Variants in C12orf42 observed in about 807,000 individuals in gnomAD.
C12orf42 encodes uncharacterized protein C12orf42.
Under a neutral mutation model 21.6 loss-of-function variants are expected in C12orf42, and 25 were observed. The ratio of observed to expected loss-of-function variants is 1.16; its 90% CI spans 0.84 to 1.62. C12orf42 has a LOEUF of 1.62. Among genes scored for constraint, C12orf42 ranks in the 40% most tolerant of loss-of-function variants. C12orf42 has a pLI of 0.00. For synonymous variants in C12orf42, 174 were observed against 175.0 expected (o/e 0.99, Z 0.05); for missense variants, 483 against 459.3 (o/e 1.05, Z -0.47).
the C12orf42 span, among the ~76,000 whole-genome samples, chr12:103,160,190 T>C: frequency 6.6e-6 from 1 of 152,238 alleles, no homozygotes; most frequent in Non-Finnish European, 1.5e-5. Flanking sequence ...CTTCCCAGAA[T>C]CTGTCCTAAC....
rs527835289 is a variant in C12orf42 at position 103,341,648 on chromosome 12, A to G, written c.259+27239T>C. ...AAACCAAACTAAAGTAATACTCACA[A>G]TGTAAGTGACCTAAACACCCTCAAT... On this transcript the variant is annotated intron_variant, in intron 4 of 5. Transcript: ENST00000548883. 1.8e-4 allele frequency among the ~76,000 whole-genome samples: 28 copies of G among 152,342 alleles called. 1 individual carries two copies. The highest frequency in any genetic ancestry group is 6.3e-4 in the African/African-American group (26 of 41,586).
At chr12:103,506,332 CA>C in the C12orf42 span, among the ~76,000 whole-genome samples, 19,509 of 121,790 alleles carry the variant, frequency 0.16, 1,491 homozygotes, top group South Asian at 0.23. Flanking sequence ...CAAAACAAAA[CA>C]AAAAAAAAAC....
the C12orf42 span, among the ~76,000 whole-genome samples, chr12:103,147,250 G>A: frequency 1.3e-5 from 2 of 152,040 alleles, no homozygotes; most frequent in African/African-American, 4.8e-5. Flanking sequence ...CTCGAAGGAG[G>A]AAAACAACCT....
the C12orf42 span, among the ~76,000 whole-genome samples, chr12:103,524,660 C>T: frequency 2.0e-5 from 3 of 152,214 alleles, no homozygotes; most frequent in Non-Finnish European, 2.9e-5. Context: ...ACTGATCTGT[C>T]ACAATGCCCT....
intron 1 of C12orf42, among the ~76,000 whole-genome samples, chr12:103,489,799 A>G (rs1053935569): frequency 6.6e-6 from 1 of 152,216 alleles, no homozygotes; most frequent in African/African-American, 2.4e-5. Flanking sequence ...TGCTAAGACT[A>G]TCGGAAAAGT....
At chr12:103,230,118 T>C in the C12orf42 span, among the ~76,000 whole-genome samples, 31 of 152,146 alleles carry the variant, frequency 2.0e-4, no homozygotes, top group South Asian at 2.1e-4. Flanking sequence ...ACATATTGGC[T>C]GAAAACAACA....
At chr12:103,358,568 A>G (rs1466723008) in intron 4 of C12orf42, among the ~76,000 whole-genome samples, 2 of 151,988 alleles carry the variant, frequency 1.3e-5, no homozygotes, top group Non-Finnish European at 1.5e-5. Flanking sequence ...TCTCCAACCC[A>G]GTAAATGGCA....
the C12orf42 span, among the ~76,000 whole-genome samples, chr12:103,114,488 C>T: frequency 6.6e-6 from 1 of 152,214 alleles, no homozygotes; most frequent in East Asian, 1.9e-4. Context: ...CAGACTCACA[C>T]ACTCTGGGTT....
intron 4 of C12orf42, among the ~76,000 whole-genome samples, chr12:103,359,365 C>T (rs1593599817): frequency 6.6e-6 from 1 of 152,034 alleles, no homozygotes; most frequent in African/African-American, 2.4e-5. Context: ...TAGAACATTT[C>T]ATCACCTCAA....
At chr12:103,359,910 T>G (rs1232979049) in intron 4 of C12orf42, among the ~76,000 whole-genome samples, 1 of 151,612 alleles carries the variant, frequency 6.6e-6, no homozygotes, top group Non-Finnish European at 1.5e-5. Context: ...CAACTTGACC[T>G]TCTCCCTGAA....
At chr12:103,277,641 G>A (rs963253185) in intron 4 of C12orf42, among the ~76,000 whole-genome samples, 7 of 148,378 alleles carry the variant, frequency 4.7e-5, no homozygotes, top group African/African-American at 1.5e-4. Flanking sequence ...TTTTTTTTGA[G>A]ATGGAGTCTC....
At chr12:103,099,696 A>G in the C12orf42 span, among the ~76,000 whole-genome samples, 1 of 152,238 alleles carries the variant, frequency 6.6e-6, no homozygotes, top group South Asian at 2.1e-4. Context: ...TTAAAATAGT[A>G]TACTTGGGAA....
At chr12:103,100,570 T>C in the C12orf42 span, among the ~76,000 whole-genome samples, 1 of 152,118 alleles carries the variant, frequency 6.6e-6, no homozygotes, top group African/African-American at 2.4e-5. Context: ...ACCCGGACAA[T>C]GGCATGCATG....
chr12:103,092,531 AAC>A, the C12orf42 span, among the ~76,000 whole-genome samples: 2 of 152,218 alleles, frequency 1.3e-5, no homozygotes, highest in African/African-American at 4.8e-5. Flanking sequence ...ACAACAGAAT[AAC>A]ACCTTTTACA....
At chr12:103,096,200 G>T in the C12orf42 span, among the ~76,000 whole-genome samples, 1 of 152,182 alleles carries the variant, frequency 6.6e-6, no homozygotes, top group Non-Finnish European at 1.5e-5. Context: ...GAAAGTGAAT[G>T]TAGAACAGGA....
chr12:103,557,947 G>C, the C12orf42 span: 1 of 152,140 alleles, frequency 6.6e-6, no homozygotes, highest in Non-Finnish European at 1.5e-5. Flanking sequence ...TGTTAAATTG[G>C]CCTTGCTTGA....
At chr12:103,248,917 C>A (rs1387364813) in intron 10 of C12orf42, among the ~76,000 whole-genome samples, 2 of 151,822 alleles carry the variant, frequency 1.3e-5, no homozygotes, top group African/African-American at 4.8e-5. Flanking sequence ...AATTGTTGAA[C>A]CCCAACTAAT....
chr12:103,558,799 G>A, the C12orf42 span: 1 of 152,150 alleles, frequency 6.6e-6, no homozygotes, highest in Non-Finnish European at 1.5e-5. Context: ...TTTAGTGAGA[G>A]AGACTGATGT....
chr12:103,434,056 G>A (rs965942459), intron 2 of C12orf42, among the ~76,000 whole-genome samples: 2 of 152,152 alleles, frequency 1.3e-5, no homozygotes, highest in African/African-American at 4.8e-5. Context: ...TTTTTAAAAT[G>A]AAGACATTGG....
Sources: gnomAD v4.1 joint callset for allele counts (sites outside exome capture counted in the v4.1 genomes callset) on GRCh38, gnomAD v4.1.1 for gene constraint, MANE v1.5 for transcripts, NCBI Gene and HGNC (gene_info 2026-07-23, HGNC 2026-07-21) for gene names.